The following STK3 variants were observed in gnomAD, a reference collection of about 807,000 sequenced individuals.
STK3 encodes serine/threonine-protein kinase 3.
A neutral mutation model predicts 58.0 loss-of-function variants in STK3; 41 were observed. The ratio of observed to expected loss-of-function variants is 0.71; its 90% confidence interval spans 0.55 to 0.92. The LOEUF (loss-of-function observed/expected upper bound fraction) is 0.92, where lower values mean the gene tolerates loss of function less well. STK3 is among the 40% of genes least tolerant of loss of function. STK3 has a pLI of 0.00. For missense variants in STK3, 479 were observed against 602.7 expected, an observed-to-expected ratio of 0.79 and a Z score of 2.15; for synonymous variants, 170 against 191.0, an observed-to-expected ratio of 0.89 and a Z score of 0.91.
intron 9 of STK3, among the ~76,000 whole-genome samples, chr8:98,540,840 G>C (rs1421643700): frequency 7.2e-5 from 11 of 152,122 alleles, no homozygotes; most frequent in African/African-American, 2.7e-4. Flanking sequence ...ATGCCTGCTA[G>C]TTTAGTTATT....
At chr8:98,649,150 G>A (rs978229682) in intron 6 of STK3, among the ~76,000 whole-genome samples, 1 of 150,436 alleles carries the variant, frequency 6.6e-6, no homozygotes, top group African/African-American at 2.4e-5. Flanking sequence ...ATTGGGATTT[G>A]CATTTCTGTC....
intron 4 of STK3, among the ~76,000 whole-genome samples, chr8:98,742,309 G>A (rs1444884405): frequency 4.0e-5 from 6 of 150,860 alleles, no homozygotes; most frequent in Admixed American, 3.3e-4. Flanking sequence ...TATCCTTGAT[G>A]AACGTTGATG....
At chr8:98,888,051 G>T (rs146169019) in intron 1 of STK3, among the ~76,000 whole-genome samples, 92 of 152,298 alleles carry the variant, frequency 6.0e-4, no homozygotes, top group African/African-American at 2.1e-3. Flanking sequence ...AGACACAGTG[G>T]CTGACACCTG....
intron 3 of STK3, among the ~76,000 whole-genome samples, chr8:98,857,930 A>G (rs1229841823): frequency 6.6e-6 from 1 of 152,088 alleles, no homozygotes; most frequent in Non-Finnish European, 1.5e-5. Context: ...AAAGGAGAAA[A>G]GGAAAAGAAA....
At chr8:98,448,922 A>T (rs1273289994) in intron 1 of STK3, among the ~76,000 whole-genome samples, 1 of 152,156 alleles carries the variant, frequency 6.6e-6, no homozygotes, top group African/African-American at 2.4e-5. Context: ...TTGAATAGTA[A>T]AAATGGAAAA....
In STK3 at chr8:98,606,102, C is replaced by A. The variant is rs190671784; in HGVS notation, c.685-9933G>T. 5.2e-3 allele frequency: 789 copies of A among 152,378 alleles called. 9 individuals are homozygous for A. The highest frequency in any genetic ancestry group is 8.9e-3 in the South Asian group (43 of 4,818). 9.4% of individuals were successfully genotyped at this position (152,378 alleles called of 1,614,324 possible). A position where few individuals can be genotyped will look rare whatever the true frequency, so the allele number is the denominator to read the frequency against. On this transcript the variant is annotated intron_variant, in intron 6 of 10. Transcript: ENST00000419617. ...AATTAGCCAGGTGTGGTGGTGGGTG[C>A]CTGTAATCCCAGCTACTTGGGAGGC...
intron 3 of STK3, among the ~76,000 whole-genome samples, chr8:98,830,813 A>C (rs1835500976): frequency 6.6e-6 from 1 of 152,136 alleles, no homozygotes; most frequent in African/African-American, 2.4e-5. Context: ...TACTAAAAAT[A>C]CAAAAAATTA....
At chr8:98,750,579 T>A (rs1160269972) in intron 3 of STK3, among the ~76,000 whole-genome samples, 2 of 151,226 alleles carry the variant, frequency 1.3e-5, no homozygotes, top group South Asian at 4.2e-4. Flanking sequence ...ATTTTAGCTA[T>A]GCTCTAACAC....
chr8:98,520,253 A>C (rs975921947), intron 10 of STK3, among the ~76,000 whole-genome samples: 2 of 152,168 alleles, frequency 1.3e-5, no homozygotes, highest in African/African-American at 4.8e-5. Context: ...TAATTCAATT[A>C]GCCCAAATAT....
In STK3 at chr8:98,455,867, T is replaced by G. The variant is rs1408718916; in HGVS notation, c.1451A>C (p.Lys484Thr). The G allele has an allele frequency of 6.2e-7, 1 of 1,613,668 alleles. No individual in the cohort carries two copies. Among genetic ancestry groups the G allele is most frequent in the Non-Finnish European group, 8.5e-7 (1 of 1,179,826 alleles). Residue 484 changes from lysine (K) to threonine (T), a missense_variant, in exon 11 of 11, where the codon AAG becomes ACG. Lys to Thr is a moderately conservative substitution (Grantham distance 78). Coordinates refer to ENST00000419617, the MANE Select transcript of STK3 (RefSeq NM_006281.4). ...RQPILDAMDA[K>T]KRRQQNF ...TCAAAAGTTTTGCTGCCTTCTTTTC[T>G]TTGCATCCATCGCATCCAGAATGGG...
At chr8:98,690,113 C>T (rs186611523) in intron 6 of STK3, among the ~76,000 whole-genome samples, 68 of 152,280 alleles carry the variant, frequency 4.5e-4, no homozygotes, top group African/African-American at 1.5e-3. Flanking sequence ...AAGCCAGATG[C>T]ATTCCCTTAA....
At chr8:98,515,647 CTT>C (rs759929878) in intron 10 of STK3, among the ~76,000 whole-genome samples, 2 of 151,998 alleles carry the variant, frequency 1.3e-5, no homozygotes, top group African/African-American at 2.4e-5. Context: ...AAAGTAAACT[CTT>C]AAGTCAGATT....
At chr8:98,456,124 T>C in intron 10 of STK3, 124 bp from the exon 11 acceptor site, 1 of 1,001,586 alleles carries the variant, frequency 1.0e-6, no homozygotes, top group Non-Finnish European at 1.4e-6. Flanking sequence ...ATTCTTTACA[T>C]CATCTTTGAA....
intron 6 of STK3, among the ~76,000 whole-genome samples, chr8:98,676,806 T>G (rs912993425): frequency 6.6e-6 from 1 of 152,198 alleles, no homozygotes; most frequent in Non-Finnish European, 1.5e-5. Flanking sequence ...CCACAATATT[T>G]TTAAAAGCTG....
At chr8:98,607,590 G>A (rs187720913) in intron 6 of STK3, among the ~76,000 whole-genome samples, 131 of 152,178 alleles carry the variant, frequency 8.6e-4, no homozygotes, top group African/African-American at 2.9e-3. Context: ...TGAGAAATAC[G>A]CATAAACTAT....
Position 98,700,577 on chromosome 8 carries a change from T to C in STK3, c.684+5890A>G, listed in dbSNP as rs562116176. 7.9e-5 allele frequency among the ~76,000 whole-genome samples: 12 copies of C among 152,344 alleles called. No homozygotes were observed. In the South Asian group the frequency reaches 2.5e-3, roughly 32 times the overall value. On this transcript the variant is annotated intron_variant, in intron 6 of 10. Coordinates refer to ENST00000419617, the MANE Select transcript of STK3 (RefSeq NM_006281.4). ...CAGAGATTGTCATGCTTTATGTGAG[T>C]TAAATTTCCAGAAAGTTGACAAGTG...
In STK3 at chr8:98,788,135, C is replaced by T. The variant is rs557659713; in HGVS notation, c.27-13316G>A. Among the ~76,000 whole-genome samples, 6 of 152,190 alleles carry T rather than the reference C, an allele frequency of 3.9e-5. No individual in the cohort carries two copies. In the South Asian group the frequency reaches 1.2e-3, roughly 32 times the overall value. Reference sequence around the variant, plus strand: ...CAACGTTGAATGTAAATAGCCTAAACATTCCACTTAAAAGATACAGAACTG... The same window carrying T: ...CAACGTTGAATGTAAATAGCCTAAATATTCCACTTAAAAGATACAGAACTG... On this transcript the variant is annotated intron_variant, in intron 1 of 10. Coordinates refer to ENST00000419617, the MANE Select transcript of STK3 (RefSeq NM_006281.4).
At chr8:98,563,476 C>T (rs960325398) in intron 8 of STK3, among the ~76,000 whole-genome samples, 8 of 152,108 alleles carry the variant, frequency 5.3e-5, no homozygotes, top group Admixed American at 2.6e-4. Flanking sequence ...AGTATACACA[C>T]ATATATCTCC....
At chr8:98,777,590 A>G (rs755383695) in intron 1 of STK3, among the ~76,000 whole-genome samples, 28 of 152,242 alleles carry the variant, frequency 1.8e-4, no homozygotes, top group Non-Finnish European at 3.2e-4. Context: ...TGATGTTAAC[A>G]TTGCAGAAAA....
Sources: gnomAD v4.1 joint callset for allele counts (sites outside exome capture counted in the v4.1 genomes callset) on GRCh38, gnomAD v4.1.1 for gene constraint, MANE v1.5 for transcripts, NCBI Gene and HGNC (gene_info 2026-07-23, HGNC 2026-07-21) for gene names.